Variants in NLRP4 observed in about 807,000 individuals in gnomAD.
NLRP4 encodes NLR family pyrin domain containing 4.
NLRP4 carries 44 observed loss-of-function variants against 84.7 expected under a neutral mutation model. The ratio of observed to expected loss-of-function variants is 0.52; its 90% CI spans 0.41 to 0.67. The LOEUF is 0.67. Ranked by LOEUF, NLRP4 falls within the 30% of genes least tolerant of loss-of-function variation. The pLI, the probability that NLRP4 is intolerant of heterozygous loss-of-function variation, is 0.00. For missense variants in NLRP4, 1,260 were observed against 1,219.4 expected, an observed-to-expected ratio of 1.03 and a Z score of -0.50; for synonymous variants, 544 against 476.4, an observed-to-expected ratio of 1.14 and a Z score of -1.85.
At chr19:55,878,662 C>G (rs970723170) in intron 8 of NLRP4, 132 bp from the exon 9 acceptor site, 4 of 693,336 alleles carry the variant, frequency 5.8e-6, no homozygotes, top group Non-Finnish European at 9.4e-6. Context: ...GATCTGAGGT[C>G]GTAAACACTG....
intron 2 of NLRP4, among the ~76,000 whole-genome samples, chr19:55,855,720 C>A (rs1427608039): frequency 6.6e-6 from 1 of 152,232 alleles, no homozygotes; most frequent in Non-Finnish European, 1.5e-5. Context: ...AGCAGCTACT[C>A]ACTTGCAGAA....
chr19:55,850,807 T>G (rs145056234), intron 1 of NLRP4, among the ~76,000 whole-genome samples: 640 of 32,416 alleles, frequency 0.02, 83 homozygotes, highest in African/African-American at 0.051. Context: ...GCGGTGTAAT[T>G]TCCGAGGCTG....
At chr19:55,863,215 A>T (rs577887656) in intron 5 of NLRP4, among the ~76,000 whole-genome samples, 3 of 152,344 alleles carry the variant, frequency 2.0e-5, no homozygotes, top group Middle Eastern at 6.8e-3. Context: ...TCAAGAGTAC[A>T]TCCTATGGCT....
chr19:55,860,110 C>G (rs1008498913), intron 3 of NLRP4, among the ~76,000 whole-genome samples: 3 of 151,366 alleles, frequency 2.0e-5, no homozygotes, highest in Admixed American at 6.6e-5. Flanking sequence ...CTCGGCCTCC[C>G]GAATAGCTGG....
intron 1 of NLRP4, among the ~76,000 whole-genome samples, chr19:55,847,251 C>T (rs972428167): frequency 6.6e-6 from 1 of 152,016 alleles, no homozygotes; most frequent in Non-Finnish European, 1.5e-5. Context: ...ATTGACTTTG[C>T]TATTGATCTC....
Position 55,858,439 on chromosome 19 carries a change from C to T in NLRP4, c.1046C>T (p.Thr349Ile), listed in dbSNP as rs138981208. 2 of 1,614,058 alleles carry T rather than the reference C, an allele frequency of 1.2e-6. No individual in the cohort carries two copies. Among genetic ancestry groups the T allele is most frequent in the Non-Finnish European group, 1.7e-6 (2 of 1,180,018 alleles). The change falls in exon 3 of 10, where the codon ACC (threonine) becomes ATC (isoleucine). Residue 349 changes from threonine to isoleucine, a missense_variant. Around this residue, in one of 3 missense-constraint regions of NLRP4, gnomAD observed 712 missense variants for 669.2 expected, o/e 1.06. Coordinates refer to ENST00000301295, the MANE Select transcript of NLRP4 (RefSeq NM_134444.5). This position sits in a 1 kb window ranked among gnomAD's most constrained non-coding sequence, Gnocchi z 4.2. ...CCGCTCCTCTGCTGGATCCTGTGTA[C>T]CAGTCTGAAGCAAGAGATGCAGAAA... ...QIPLLCWILC[T>I]SLKQEMQKGK...
Position 55,845,839 on chromosome 19 carries a change from C to T in NLRP4, c.-65-6177C>T, listed in dbSNP as rs1044946356. Among the ~76,000 whole-genome samples the T allele has an allele frequency of 9.4e-5, 13 of 138,168 alleles. 1 individual carries two copies. The highest frequency in any genetic ancestry group is 3.3e-4 in the African/African-American group (10 of 30,394). 90.6% of individuals were successfully genotyped at this position (138,168 alleles called of 152,430 possible). A position where few individuals can be genotyped will look rare whatever the true frequency, so the allele number is the denominator to read the frequency against. On this transcript the variant is annotated intron_variant, in intron 1 of 9. Coordinates refer to ENST00000301295, the MANE Select transcript of NLRP4 (RefSeq NM_134444.5). ...ATAAATGTCTTCTTTTGAGAAGTGT[C>T]TGTTTATATCCTTTGCCCACTTTTT...
chr19:55,848,354 C>G (rs1191484068), intron 1 of NLRP4, among the ~76,000 whole-genome samples: 1 of 151,244 alleles, frequency 6.6e-6, no homozygotes, highest in Non-Finnish European at 1.5e-5. Context: ...AAGTTAATCC[C>G]TACCCCTTTT....
rs761105798 is a variant in NLRP4, at chr19:55,876,981, C to G, written c.2526-15C>G. 1 of 1,609,456 alleles carries G rather than the reference C, an allele frequency of 6.2e-7. No individual in the cohort carries two copies. The highest frequency in any genetic ancestry group is 8.5e-7 in the Non-Finnish European group (1 of 1,176,524). The stretch of plus-strand genomic sequence containing the variant: ...TGTAATAGCCTTTAAGCATGGTACC[C>G]TTACTCCTTTGCAGTTTGGTAAAAT... On this transcript the variant is annotated splice_polypyrimidine_tract_variant and intron_variant, in intron 7 of 9. Transcript: ENST00000301295.
intron 2 of NLRP4, among the ~76,000 whole-genome samples, chr19:55,854,849 A>G (rs1225724067): frequency 6.6e-6 from 1 of 152,012 alleles, no homozygotes; most frequent in Non-Finnish European, 1.5e-5. Flanking sequence ...CAGCCTCCGG[A>G]GTAGCTGGGA....
At chr19:55,866,315 A>C (rs1169910778) in intron 5 of NLRP4, among the ~76,000 whole-genome samples, 1 of 152,184 alleles carries the variant, frequency 6.6e-6, no homozygotes, top group Non-Finnish European at 1.5e-5. Flanking sequence ...TACAGGCTTG[A>C]GCCACCACGC....
chr19:55,849,810 A>AAAGCTGTGGTGTAATTTCCG (rs1983946278), intron 1 of NLRP4, among the ~76,000 whole-genome samples: 1 of 101,180 alleles, frequency 9.9e-6, no homozygotes, highest in Non-Finnish European at 1.9e-5. Context: ...TGTAATTTCC[A>AAAGCTGTGGTGTAATTTCCG]AAGCTGCGGT....
At chr19:55,839,808 T>A (rs954839760) in intron 1 of NLRP4, among the ~76,000 whole-genome samples, 4 of 152,214 alleles carry the variant, frequency 2.6e-5, no homozygotes, top group African/African-American at 9.6e-5. Flanking sequence ...TTTATCTAAA[T>A]GTATAATTAG....
chr19:55,878,134 G>T (rs993785716), intron 8 of NLRP4, among the ~76,000 whole-genome samples: 6 of 152,278 alleles, frequency 3.9e-5, no homozygotes, highest in Middle Eastern at 6.8e-3. Context: ...GCCAGGCGTG[G>T]TGCATGCCTG....
chr19:55,857,233 T>C (rs1984469421), intron 2 of NLRP4, among the ~76,000 whole-genome samples: 1 of 152,160 alleles, frequency 6.6e-6, no homozygotes, highest in African/African-American at 2.4e-5. Context: ...AAAGCAGAAG[T>C]TGTCAAACTT....
chr19:55,881,496 A>T lies in NLRP4; in HGVS notation c.2894A>T (p.Glu965Val), dbSNP rs1985587676. 6.2e-7 allele frequency: 1 copy of T among 1,603,248 alleles called. No individual in the cohort carries two copies. Among genetic ancestry groups the T allele is most frequent in the East Asian group, 2.2e-5 (1 of 44,814 alleles). Residue 965 changes from glutamate to valine, a missense_variant, in exon 10 of 10, where the codon GAA (glutamate) becomes GTA (valine). Physicochemically the swap from Glu to Val is moderately radical, Grantham distance 121 (BLOSUM62 -2). Coordinates refer to ENST00000301295, the MANE Select transcript of NLRP4 (RefSeq NM_134444.5). The stretch of plus-strand genomic sequence containing the variant: ...CTGAGAAAAACTGATTTTGATGAGG[A>T]AACCCAGGCACTTCTGACGGCTGAG... ...LGLRKTDFDEETQALLTAEEE... is the reference protein window; with the variant it reads ...LGLRKTDFDEVTQALLTAEEE...
intron 1 of NLRP4, among the ~76,000 whole-genome samples, chr19:55,841,123 G>A (rs1396684923): frequency 1.3e-5 from 2 of 152,106 alleles, no homozygotes; most frequent in African/African-American, 2.4e-5. Flanking sequence ...TGTTTGTTTA[G>A]ACACATTTCT....
At chr19:55,869,824 C>T (rs1019017484) in intron 6 of NLRP4, among the ~76,000 whole-genome samples, 5 of 151,644 alleles carry the variant, frequency 3.3e-5, no homozygotes, top group African/African-American at 9.7e-5. Context: ...ATTGGAGGCT[C>T]ACACCTATAT....
At chr19:55,842,178 T>C (rs1171532891) in intron 1 of NLRP4, among the ~76,000 whole-genome samples, 2 of 152,210 alleles carry the variant, frequency 1.3e-5, no homozygotes, top group Admixed American at 1.3e-4. Flanking sequence ...CTTTCAACTT[T>C]CGTTTTTCCG....
Sources: gnomAD v4.1 joint callset for allele counts (sites outside exome capture counted in the v4.1 genomes callset) on GRCh38, gnomAD v4.1.1 for gene constraint, gnomAD v4.1.1 regional missense constraint, Gnocchi (gnomAD v3.1) non-coding constraint, MANE v1.5 for transcripts, NCBI Gene and HGNC (gene_info 2026-07-23, HGNC 2026-07-21) for gene names.